The following PMP22 variants were observed in gnomAD, a reference collection of about 807,000 sequenced individuals.
The protein encoded by PMP22 is peripheral myelin protein 22.
PMP22 carries 2 observed loss-of-function variants against 18.9 expected under a neutral mutation model. The observed-to-expected ratio is 0.11, with a 90% CI of 0.04 to 0.33. The LOEUF is 0.33. Among genes scored for constraint, PMP22 ranks in the 10% least tolerant of loss-of-function variants. PMP22 has a pLI of 1.00. For missense variants in PMP22, 169 were observed against 202.2 expected (o/e 0.84, Z 1.00); for synonymous variants, 95 against 89.2 (o/e 1.07, Z -0.37).
chr17:15,234,840 G>T (rs971205827), intron 4 of PMP22, among the ~76,000 whole-genome samples: 1 of 151,148 alleles, frequency 6.6e-6, no homozygotes, highest in Non-Finnish European at 1.5e-5. Flanking sequence ...GAGAGGCAGG[G>T]TCTCACTCTG....
intron 4 of PMP22, among the ~76,000 whole-genome samples, chr17:15,239,119 C>T (rs181269818): frequency 6.6e-6 from 1 of 152,196 alleles, no homozygotes; most frequent in African/African-American, 2.4e-5. Flanking sequence ...TCAAGCCTGA[C>T]CTTTGCTCTA....
chr17:15,236,209 A>G (rs888092651), intron 4 of PMP22, among the ~76,000 whole-genome samples: 1 of 152,200 alleles, frequency 6.6e-6, no homozygotes, highest in Non-Finnish European at 1.5e-5. Flanking sequence ...CCTAACTGTC[A>G]GCCTTGTGGC....
At chr17:15,256,378 C>G (rs1418730895) in intron 3 of PMP22, among the ~76,000 whole-genome samples, 1 of 152,162 alleles carries the variant, frequency 6.6e-6, no homozygotes, top group Non-Finnish European at 1.5e-5. Context: ...CGCAGTGGCT[C>G]ACACCTCTAA....
chr17:15,254,258 T>C (rs528588798), intron 3 of PMP22, among the ~76,000 whole-genome samples: 3 of 152,300 alleles, frequency 2.0e-5, no homozygotes, highest in Admixed American at 2.0e-4. Flanking sequence ...AATATCAGCC[T>C]GGATTCCATA....
At chr17:15,235,231 T>C (rs1433026606) in intron 4 of PMP22, 1 of 717,598 alleles carries the variant, frequency 1.4e-6, no homozygotes, top group Admixed American at 2.0e-5. Context: ...AGGAGTCCCC[T>C]CTATTCTTTC....
chr17:15,259,306 C>G, intron 2 of PMP22, 113 bp from the exon 3 acceptor site: 1 of 805,358 alleles, frequency 1.2e-6, no homozygotes, highest in Non-Finnish European at 2.1e-6. Flanking sequence ...CCTAGCCACA[C>G]CGCCCACCCC....
chr17:15,247,099 G>A (rs865825686), intron 3 of PMP22, among the ~76,000 whole-genome samples: 17 of 142,682 alleles, frequency 1.2e-4, no homozygotes, highest in Admixed American at 8.6e-4. Flanking sequence ...GCCGGGCGCC[G>A]TGGCTCACAC....
At chr17:15,240,314 A>C (rs1213761591) in intron 3 of PMP22, among the ~76,000 whole-genome samples, 1 of 152,178 alleles carries the variant, frequency 6.6e-6, no homozygotes, top group Non-Finnish European at 1.5e-5. Context: ...GTTAGAGCCC[A>C]AAGTAATTTT....
In PMP22 at chr17:15,239,435, C is replaced by A. The variant is rs761956385; in HGVS notation, c.319+36G>T. On this transcript the variant is annotated intron_variant, in intron 4 of 4. Transcript: ENST00000312280. ...AATCATTCCGCAGACTTGGATGCAC[C>A]CCGCTTCCACATGGACTTTACCATC... The A allele has an allele frequency of 2.5e-6, 4 of 1,612,416 alleles. No individual in the cohort carries two copies. In the Admixed American group the frequency reaches 6.7e-5, roughly 27 times the overall value.
intron 3 of PMP22, among the ~76,000 whole-genome samples, chr17:15,247,542 C>G (rs1420406210): frequency 6.6e-6 from 1 of 152,184 alleles, no homozygotes; most frequent in East Asian, 1.9e-4. Flanking sequence ...AAGCTCATTT[C>G]AAGGTCAGAT....
At chr17:15,263,064 C>A (rs959769772) in intron 1 of PMP22, among the ~76,000 whole-genome samples, 1 of 152,222 alleles carries the variant, frequency 6.6e-6, no homozygotes, top group Non-Finnish European at 1.5e-5. Flanking sequence ...GCCGGACACA[C>A]CTGCCCCGCG....
At chr17:15,239,889 G>T (rs182202821) in intron 3 of PMP22, among the ~76,000 whole-genome samples, 68 of 152,076 alleles carry the variant, frequency 4.5e-4, no homozygotes, top group African/African-American at 1.6e-3. Context: ...GTGCCAATAT[G>T]TACACATTAC....
intron 4 of PMP22, chr17:15,235,077 T>C (rs979176571): frequency 1.6e-6 from 1 of 616,118 alleles, no homozygotes; most frequent in African/African-American, 1.8e-5. Context: ...ACCTCAGTCT[T>C]TCAAAGTGTT....
chr17:15,257,703 C>T (rs1449481673), intron 3 of PMP22, among the ~76,000 whole-genome samples: 2 of 152,170 alleles, frequency 1.3e-5, no homozygotes, highest in Non-Finnish European at 2.9e-5. Flanking sequence ...AAACCCACCA[C>T]GTAATTTCTG....
intron 3 of PMP22, among the ~76,000 whole-genome samples, chr17:15,254,345 C>T (rs922381337): frequency 2.6e-5 from 4 of 152,112 alleles, no homozygotes; most frequent in Admixed American, 6.6e-5. Context: ...CTCTGACAAA[C>T]GAGGAAGCAG....
Position 15,230,993 on chromosome 17 carries a change from T to C in PMP22, c.407A>G (p.Tyr136Cys). ...GGGGAAGGCCACCCAGGCCAGGATG[T>C]AGGCGAAACCGTAGGAGTAATCCGA... ...LNSDYSYGFA[Y>C]ILAWVAFPLA... Residue 136 changes from tyrosine (Y) to cysteine (C), a missense_variant, in exon 5 of 5, where the codon TAC (tyrosine) becomes TGC (cysteine). By Grantham distance (194) the Tyr-to-Cys change is radical. Transcript: ENST00000312280. 6.2e-7 allele frequency: 1 copy of C among 1,614,170 alleles called. No homozygotes were observed. Among genetic ancestry groups the C allele is most frequent in the Non-Finnish European group, 8.5e-7 (1 of 1,180,026 alleles).
At chr17:15,260,888 G>T (rs1909280792) in intron 1 of PMP22, 127 bp from the exon 2 acceptor site, 2 of 651,312 alleles carry the variant, frequency 3.1e-6, no homozygotes, top group Non-Finnish European at 5.3e-6. Flanking sequence ...CCGACCGCCC[G>T]CGCGGGTCAG....
At chr17:15,247,554 C>T (rs2150689646) in intron 3 of PMP22, among the ~76,000 whole-genome samples, 1 of 152,174 alleles carries the variant, frequency 6.6e-6, no homozygotes, top group East Asian at 1.9e-4. Flanking sequence ...AGGTCAGATT[C>T]CTGCTGTAGG....
intron 3 of PMP22, among the ~76,000 whole-genome samples, chr17:15,248,310 G>T (rs1398833482): frequency 6.6e-6 from 1 of 152,218 alleles, no homozygotes; most frequent in Non-Finnish European, 1.5e-5. Context: ...AATCCTGGGG[G>T]TATTTTAGCT....
Sources: gnomAD v4.1 joint callset for allele counts (sites outside exome capture counted in the v4.1 genomes callset) on GRCh38, gnomAD v4.1.1 for gene constraint, MANE v1.5 for transcripts, NCBI Gene and HGNC (gene_info 2026-07-23, HGNC 2026-07-21) for gene names.